Variants in CRIM1 observed in about 807,000 individuals in gnomAD.
The protein encoded by CRIM1 is cysteine rich transmembrane BMP regulator 1.
In CRIM1, 32 loss-of-function variants were observed where a neutral mutation model predicts 116.4. That is an observed-to-expected ratio of 0.27 (90% CI 0.21 to 0.37). The LOEUF (loss-of-function observed/expected upper bound fraction) is 0.37, where lower values mean the gene tolerates loss of function less well. Among genes scored for constraint, CRIM1 ranks in the 10% least tolerant of loss-of-function variants. CRIM1 has a pLI of 1.00. For missense variants in CRIM1, 1,331 were observed against 1,354.8 expected (o/e 0.98, Z 0.28); for synonymous variants, 590 against 509.2 (o/e 1.16, Z -2.13).
chr2:36,394,023 G>A (rs1038826738), intron 1 of CRIM1, among the ~76,000 whole-genome samples: 2 of 152,200 alleles, frequency 1.3e-5, no homozygotes, highest in African/African-American at 2.4e-5. Flanking sequence ...CAAGAGAATA[G>A]TGGCAGGGAG....
intron 4 of CRIM1, among the ~76,000 whole-genome samples, chr2:36,457,401 G>A (rs887497389): frequency 6.6e-6 from 1 of 152,184 alleles, no homozygotes; most frequent in African/African-American, 2.4e-5. Flanking sequence ...GGTCTTCAAA[G>A]GGAAAGTGTT....
At chr2:36,435,094 T>G (rs767286913) in intron 2 of CRIM1, among the ~76,000 whole-genome samples, 2 of 152,156 alleles carry the variant, frequency 1.3e-5, no homozygotes, top group Non-Finnish European at 2.9e-5. Context: ...TGCTACTGAG[T>G]GACCAAGGGC....
intron 7 of CRIM1, among the ~76,000 whole-genome samples, chr2:36,489,845 G>A (rs1322686136): frequency 2.0e-5 from 3 of 152,130 alleles, no homozygotes; most frequent in South Asian, 2.1e-4. Flanking sequence ...TCATTGTTTC[G>A]ACCCACATTG....
chr2:36,522,347 A>T (rs889244569), intron 13 of CRIM1, 34 bp downstream of exon 13: 1 of 1,478,032 alleles, frequency 6.8e-7, no homozygotes, highest in African/African-American at 1.4e-5. Context: ...CCTCATCTCT[A>T]CCAGTTGTCA....
chr2:36,387,121 A>G (rs1671226027), intron 1 of CRIM1, among the ~76,000 whole-genome samples: 1 of 152,166 alleles, frequency 6.6e-6, no homozygotes, highest in Non-Finnish European at 1.5e-5. Context: ...ATCCTTAAGA[A>G]GTTTGGTTAG....
intron 8 of CRIM1, among the ~76,000 whole-genome samples, chr2:36,499,914 A>G (rs1174332805): frequency 6.6e-6 from 1 of 152,220 alleles, no homozygotes; most frequent in East Asian, 1.9e-4. Flanking sequence ...GCCGGAATAA[A>G]CATCCTCATT....
At chr2:36,393,315 A>G (rs964652631) in intron 1 of CRIM1, among the ~76,000 whole-genome samples, 3 of 152,012 alleles carry the variant, frequency 2.0e-5, no homozygotes, top group African/African-American at 7.3e-5. Flanking sequence ...TAGGATTTGT[A>G]TTGTTTAAAC....
At chr2:36,455,393 A>T (rs111923468) in intron 4 of CRIM1, among the ~76,000 whole-genome samples, 22 of 152,330 alleles carry the variant, frequency 1.4e-4, no homozygotes, top group African/African-American at 4.6e-4. Context: ...CATAGCAGTC[A>T]TATGATATGT....
At chr2:36,440,158 TAA>T (rs1675686433) in intron 2 of CRIM1, among the ~76,000 whole-genome samples, 1 of 152,190 alleles carries the variant, frequency 6.6e-6, no homozygotes. Flanking sequence ...ATTCTTGCTT[TAA>T]GTTTACCAAT....
At chr2:36,484,607 C>G (rs1188760882) in intron 7 of CRIM1, among the ~76,000 whole-genome samples, 1 of 152,156 alleles carries the variant, frequency 6.6e-6, no homozygotes, top group Non-Finnish European at 1.5e-5. Context: ...ACTTTGAAGT[C>G]TTGATGTCAG....
At chr2:36,465,621 A>C (rs1332745759) in intron 5 of CRIM1, among the ~76,000 whole-genome samples, 1 of 152,156 alleles carries the variant, frequency 6.6e-6, no homozygotes, top group Non-Finnish European at 1.5e-5. Flanking sequence ...GCCCGTGGCC[A>C]AGTTGTTTTT....
At chr2:36,466,135 C>G (rs1678007439) in intron 5 of CRIM1, among the ~76,000 whole-genome samples, 1 of 152,136 alleles carries the variant, frequency 6.6e-6, no homozygotes, top group African/African-American at 2.4e-5. Flanking sequence ...ATCCACCCGC[C>G]TCGGCCTCCC....
intron 7 of CRIM1, among the ~76,000 whole-genome samples, chr2:36,482,997 A>G (rs1233397075): frequency 6.6e-6 from 1 of 152,188 alleles, no homozygotes; most frequent in East Asian, 1.9e-4. Context: ...TTGACAGCTA[A>G]CTTGATTCAC....
In CRIM1 at chr2:36,510,086, G is replaced by T; in HGVS notation, c.1605G>T (p.Arg535Ser). Residue 535 changes from arginine (R) to serine (S), a missense_variant, in exon 9 of 17, where the codon AGG becomes AGT. By Grantham distance (110) the Arg-to-Ser change is moderately radical. Coordinates refer to ENST00000280527, the MANE Select transcript of CRIM1 (RefSeq NM_016441.3). ...QNCEICECRP[R>S]PKKCRPIICD... The stretch of plus-strand genomic sequence containing the variant: ...GTGAGATCTGTGAGTGCCGCCCAAG[G>T]CCCAAGAAGTGCAGACCCATAATCT... 6.2e-7 allele frequency: 1 copy of T among 1,614,104 alleles called. No individual in the cohort carries two copies. The highest frequency in any genetic ancestry group is 8.5e-7 in the Non-Finnish European group (1 of 1,180,010).
intron 8 of CRIM1, among the ~76,000 whole-genome samples, chr2:36,502,177 TA>T: frequency 6.6e-6 from 1 of 152,324 alleles, no homozygotes; most frequent in South Asian, 2.1e-4. Context: ...CATGCTTATC[TA>T]AGACTTCGGT....
chr2:36,419,021 C>T (rs1352276543), intron 2 of CRIM1, among the ~76,000 whole-genome samples: 2 of 152,180 alleles, frequency 1.3e-5, no homozygotes, highest in African/African-American at 4.8e-5. Flanking sequence ...CTGCTGTAGT[C>T]ATTAGCCTGA....
chr2:36,378,838 T>G (rs2148328791), intron 1 of CRIM1: 1 of 143,792 alleles, frequency 7.0e-6, no homozygotes, highest in South Asian at 2.3e-4. Flanking sequence ...AGACGGAGTC[T>G]CACTCTGTCA....
At chr2:36,531,266 A>G (rs1054912853) in intron 13 of CRIM1, among the ~76,000 whole-genome samples, 6 of 152,238 alleles carry the variant, frequency 3.9e-5, no homozygotes, top group Non-Finnish European at 7.3e-5. Context: ...TGAAGTATCT[A>G]TGTAAGAAGT....
intron 5 of CRIM1, among the ~76,000 whole-genome samples, chr2:36,466,970 A>G (rs752184723): frequency 6.6e-6 from 1 of 152,280 alleles, no homozygotes. Flanking sequence ...TCTTATCAGA[A>G]CATAGACTTT....
Sources: allele counts gnomAD v4.1 joint callset (sites outside exome capture counted in the v4.1 genomes callset), GRCh38; gene constraint gnomAD v4.1.1; transcripts MANE v1.5; gene names NCBI Gene and HGNC (gene_info 2026-07-23, HGNC 2026-07-21).